The following SLC2A14 variants were observed in gnomAD, a reference collection of about 807,000 sequenced individuals.
SLC2A14 encodes solute carrier family 2 member 14.
SLC2A14 carries 13 observed loss-of-function variants against 43.0 expected under a neutral mutation model. That is an observed-to-expected ratio of 0.30 (90% CI 0.20 to 0.48). SLC2A14 has a LOEUF of 0.48. SLC2A14 is among the 20% of genes least tolerant of loss of function. The probability of loss-of-function intolerance (pLI) is 0.99; values close to 1 mark genes in which losing one functional copy is unlikely to be tolerated. For missense variants in SLC2A14, 428 were observed against 620.4 expected (o/e 0.69, Z 3.29); for synonymous variants, 190 against 233.8 (o/e 0.81, Z 1.71).
chr12:7,880,611 G>A (rs1321675954), intron 1 of SLC2A14, among the ~76,000 whole-genome samples: 6 of 148,776 alleles, frequency 4.0e-5, no homozygotes, highest in East Asian at 2.0e-4. Context: ...GATGGATCAC[G>A]AGGTCAGGAG....
intron 1 of SLC2A14, chr12:7,871,797 C>G: frequency 1.7e-6 from 1 of 581,898 alleles, no homozygotes; most frequent in African/African-American, 2.0e-5. Flanking sequence ...AACACAAGTT[C>G]ACCAAAGTCC....
At chr12:7,839,417 G>A (rs775384648) in intron 2 of SLC2A14, among the ~76,000 whole-genome samples, 669 of 151,900 alleles carry the variant, frequency 4.4e-3, no homozygotes, top group African/African-American at 0.016. Flanking sequence ...GGAGTGAAGC[G>A]GGGGCAGAGT....
intron 1 of SLC2A14, among the ~76,000 whole-genome samples, chr12:7,884,848 A>C (rs1945661015): frequency 6.6e-6 from 1 of 152,154 alleles, no homozygotes; most frequent in Non-Finnish European, 1.5e-5. Context: ...GTTAAAAATA[A>C]ATCCCTTTTT....
intron 1 of SLC2A14, among the ~76,000 whole-genome samples, chr12:7,888,656 G>C (rs1421032321): frequency 1.3e-5 from 2 of 151,878 alleles, no homozygotes; most frequent in Non-Finnish European, 2.9e-5. Flanking sequence ...AAATTAGCCA[G>C]GCGTGGTGGT....
chr12:7,870,753 T>C, intron 1 of SLC2A14: 1 of 636,850 alleles, frequency 1.6e-6, no homozygotes, highest in Non-Finnish European at 2.1e-6. Context: ...ACCTCAGAAC[T>C]CTTTTAACTC....
chr12:7,858,534 C>G (rs1253034872), intron 2 of SLC2A14, among the ~76,000 whole-genome samples: 2 of 152,076 alleles, frequency 1.3e-5, no homozygotes, highest in Admixed American at 6.6e-5. Context: ...AGTTTCGCTC[C>G]TATTGCCAAG....
chr12:7,875,917 A>G (rs901844174), upstream of SLC2A14, among the ~76,000 whole-genome samples: 1 of 152,034 alleles, frequency 6.6e-6, no homozygotes, highest in African/African-American at 2.4e-5. Context: ...TGGAGGTTGC[A>G]GTGAGCTGAG....
At chr12:7,879,002 A>AC (rs1486470255) in intron 1 of SLC2A14, among the ~76,000 whole-genome samples, 5 of 139,482 alleles carry the variant, frequency 3.6e-5, no homozygotes, top group Non-Finnish European at 6.3e-5. Context: ...AAAAAAAAAA[A>AC]AAACAATTTG....
chr12:7,848,384 T>A (rs1592241616), intron 2 of SLC2A14, among the ~76,000 whole-genome samples: 5 of 151,520 alleles, frequency 3.3e-5, no homozygotes, highest in African/African-American at 9.7e-5. Flanking sequence ...TTTTTTTTAT[T>A]ATTATTTTTT....
intron 1 of SLC2A14, among the ~76,000 whole-genome samples, chr12:7,887,474 G>A (rs1176801258): frequency 6.6e-6 from 1 of 152,018 alleles, no homozygotes; most frequent in Non-Finnish European, 1.5e-5. Flanking sequence ...TAGGGTTGCA[G>A]ACAAGACAAT....
At position 7,832,820 on chromosome 12, in the gene SLC2A14, G is replaced by A. The variant is rs201700639; in HGVS notation, c.19-6C>T. On this transcript the variant is annotated splice_polypyrimidine_tract_variant and splice_region_variant and intron_variant, in intron 2 of 10. Transcript: ENST00000431042. The stretch of plus-strand genomic sequence containing the variant: ...AAGATCAGAGCTGGGGTGACCTGGA[G>A]AGACAGAGGACAGGGAGGAGAGAAT... 7 of 1,613,710 alleles carry A rather than the reference G, an allele frequency of 4.3e-6. No homozygotes were observed. The highest frequency in any genetic ancestry group is 5.1e-6 in the Non-Finnish European group (6 of 1,179,746).
chr12:7,878,986 A>AC (rs1294929235), intron 1 of SLC2A14, among the ~76,000 whole-genome samples: 1 of 88,116 alleles, frequency 1.1e-5, no homozygotes, highest in Non-Finnish European at 2.4e-5. Context: ...CAAAAAAAAA[A>AC]AAAAAAAAAA....
At chr12:7,824,504 C>T (rs1488709626) in intron 7 of SLC2A14, among the ~76,000 whole-genome samples, 2 of 151,680 alleles carry the variant, frequency 1.3e-5, no homozygotes, top group South Asian at 4.2e-4. Flanking sequence ...GAGGCATAGG[C>T]GGGCAGATCA....
intron 2 of SLC2A14, among the ~76,000 whole-genome samples, chr12:7,838,633 T>C (rs1047487921): frequency 6.6e-6 from 1 of 152,164 alleles, no homozygotes; most frequent in Non-Finnish European, 1.5e-5. Context: ...TTAGATGATA[T>C]TCAGATGAAA....
At chr12:7,883,800 G>A (rs1343358674) in intron 1 of SLC2A14, among the ~76,000 whole-genome samples, 1 of 149,266 alleles carries the variant, frequency 6.7e-6, no homozygotes, top group Non-Finnish European at 1.5e-5. Context: ...GGCCAAGATG[G>A]TCTCGATCTC....
chr12:7,818,770 C>T (rs1184381366), intron 9 of SLC2A14, among the ~76,000 whole-genome samples: 1 of 151,956 alleles, frequency 6.6e-6, no homozygotes, highest in African/African-American at 2.4e-5. Context: ...AATCCTCTCA[C>T]CTTGGCCTCC....
intron 1 of SLC2A14, among the ~76,000 whole-genome samples, chr12:7,882,055 G>A (rs1565589411): frequency 6.6e-6 from 1 of 152,112 alleles, no homozygotes; most frequent in Non-Finnish European, 1.5e-5. Context: ...CGGGCCAGCA[G>A]TGGTAACATG....
intron 10 of SLC2A14, among the ~76,000 whole-genome samples, chr12:7,816,138 C>G (rs1190356361): frequency 4.1e-4 from 21 of 51,732 alleles, no homozygotes; most frequent in African/African-American, 1.5e-3. Flanking sequence ...CGCTCTGTCG[C>G]CCAGGCCGGA....
chr12:7,842,421 G>T (rs1866032617), intron 2 of SLC2A14, among the ~76,000 whole-genome samples: 1 of 152,146 alleles, frequency 6.6e-6, no homozygotes, highest in South Asian at 2.1e-4. Context: ...ACAGACAAGG[G>T]TTTTAAAAGT....
Sources: allele counts gnomAD v4.1 joint callset (sites outside exome capture counted in the v4.1 genomes callset), GRCh38; gene constraint gnomAD v4.1.1; transcripts MANE v1.5; gene names NCBI Gene and HGNC (gene_info 2026-07-23, HGNC 2026-07-21).